The following NLGN1 variants were observed in gnomAD, a reference collection of about 807,000 sequenced individuals.
The protein encoded by NLGN1 is neuroligin 1.
A neutral mutation model predicts 65.5 loss-of-function variants in NLGN1; 12 were observed. The ratio of observed to expected loss-of-function variants is 0.18; its 90% CI spans 0.12 to 0.30. NLGN1 has a LOEUF of 0.30. Ranked by LOEUF, NLGN1 falls within the 10% of genes least tolerant of loss-of-function variation. The probability of loss-of-function intolerance (pLI) is 1.00; values close to 1 mark genes in which losing one functional copy is unlikely to be tolerated. For synonymous variants in NLGN1, 350 were observed against 359.5 expected (o/e 0.97, Z 0.30); for missense variants, 750 against 1,007.1 (o/e 0.74, Z 3.46).
At chr3:174,120,674 CACA>C (rs1717583583) in intron 4 of NLGN1, among the ~76,000 whole-genome samples, 1 of 152,264 alleles carries the variant, frequency 6.6e-6, no homozygotes, top group South Asian at 2.1e-4. Flanking sequence ...CTGGAGATCT[CACA>C]ACAAGATATG....
intron 2 of NLGN1, among the ~76,000 whole-genome samples, chr3:173,546,715 G>A (rs1739911724): frequency 6.6e-6 from 1 of 152,052 alleles, no homozygotes; most frequent in African/African-American, 2.4e-5. Context: ...ATGGATTATT[G>A]TTCAACTGAT....
At chr3:173,685,636 G>T in intron 3 of NLGN1, 2 of 984,976 alleles carry the variant, frequency 2.0e-6, no homozygotes, top group Non-Finnish European at 1.2e-6. Context: ...ATTTAAGATG[G>T]TGAGCTCTAA....
At chr3:173,908,012 G>T (rs10222345) in intron 4 of NLGN1, among the ~76,000 whole-genome samples, 1 of 152,050 alleles carries the variant, frequency 6.6e-6, no homozygotes, top group Non-Finnish European at 1.5e-5. Context: ...GAGCCACCAC[G>T]CCCAGCAGAT....
At chr3:173,742,269 A>T (rs1421861165) in intron 3 of NLGN1, among the ~76,000 whole-genome samples, 1 of 152,106 alleles carries the variant, frequency 6.6e-6, no homozygotes, top group Non-Finnish European at 1.5e-5. Flanking sequence ...AGAGAGAGGG[A>T]TGTGATTAGG....
chr3:173,903,934 C>T (rs1349755758), intron 4 of NLGN1, among the ~76,000 whole-genome samples: 3 of 152,172 alleles, frequency 2.0e-5, no homozygotes, highest in East Asian at 3.9e-4. Context: ...TTCCCCAGCA[C>T]AGACTCAGAA....
rs967167484 is a variant in NLGN1, at chr3:173,754,038, G to GT, written c.494-53631dup. Among the ~76,000 whole-genome samples, 23 of 81,914 alleles carry GT rather than the reference G, an allele frequency of 2.8e-4. 1 individual carries two copies. The highest frequency in any genetic ancestry group is 8.2e-3 in the Middle Eastern group (1 of 122). The allele number at this position is 81,914 out of a possible 152,430, so 53.7% of individuals were successfully genotyped here. A position where few individuals can be genotyped will look rare whatever the true frequency, so the allele number is the denominator to read the frequency against. ...TTCTTTCTTTTCTTTTTTTTTTTTT[G>GT]TTTTTTTTTTTGTTGTTGTTGTTGA... On this transcript the variant is annotated intron_variant, in intron 3 of 6. Transcript: ENST00000457714.
At chr3:173,624,616 A>T (rs1027329664) in intron 3 of NLGN1, among the ~76,000 whole-genome samples, 11 of 152,102 alleles carry the variant, frequency 7.2e-5, no homozygotes, top group African/African-American at 2.7e-4. Context: ...TGTATATCTT[A>T]GTTTTATCTG....
chr3:174,246,847 T>C (rs899311178), intron 4 of NLGN1, among the ~76,000 whole-genome samples: 1 of 152,162 alleles, frequency 6.6e-6, no homozygotes, highest in Admixed American at 6.5e-5. Flanking sequence ...GATGGTCACA[T>C]TGATGGATTG....
chr3:173,851,829 AAC>A (rs1726971722), intron 4 of NLGN1, among the ~76,000 whole-genome samples: 1 of 152,224 alleles, frequency 6.6e-6, no homozygotes, highest in Admixed American at 6.5e-5. Context: ...TCGAAGTCAT[AAC>A]ATATTCATGT....
At chr3:174,058,775 G>A (rs961857494) in intron 4 of NLGN1, among the ~76,000 whole-genome samples, 5 of 151,890 alleles carry the variant, frequency 3.3e-5, no homozygotes, top group African/African-American at 4.8e-5. Context: ...ATTCCTTATA[G>A]TAATCCATGT....
Position 174,224,625 on chromosome 3 carries a change from G to A in NLGN1, c.647-50690G>A, listed in dbSNP as rs545211903. On this transcript the variant is annotated intron_variant, in intron 4 of 6. Coordinates refer to ENST00000457714, the Ensembl canonical transcript of NLGN1. ...GAGGCAGGAGAATCGCTTGAACCCA[G>A]GAGGCAGAGGTTGCAGTGAGCCGAG... Among the ~76,000 whole-genome samples, 163 of 152,264 alleles carry A rather than the reference G, an allele frequency of 1.1e-3. 1 individual carries two copies. Among genetic ancestry groups the A allele is most frequent in the African/African-American group, 3.9e-3 (161 of 41,546 alleles).
At chr3:174,047,357 A>G (rs569599407) in intron 4 of NLGN1, among the ~76,000 whole-genome samples, 2 of 152,106 alleles carry the variant, frequency 1.3e-5, no homozygotes, top group South Asian at 4.1e-4. Flanking sequence ...AGAGATTTCA[A>G]TTTTAGCCAA....
chr3:173,628,491 A>T (rs1755153102), intron 3 of NLGN1, among the ~76,000 whole-genome samples: 1 of 152,142 alleles, frequency 6.6e-6, no homozygotes, highest in Non-Finnish European at 1.5e-5. Flanking sequence ...AAGTTAGAGA[A>T]TACTACAAAG....
upstream of NLGN1, chr3:173,397,906 A>G (rs538227849): frequency 2.3e-4 from 35 of 151,818 alleles, no homozygotes; most frequent in African/African-American, 7.5e-4. Context: ...GACCGGAGAG[A>G]AGGGAGCGAG....
At chr3:173,537,393 C>A (rs1203698637) in intron 2 of NLGN1, among the ~76,000 whole-genome samples, 1 of 152,062 alleles carries the variant, frequency 6.6e-6, no homozygotes, top group Non-Finnish European at 1.5e-5. Context: ...TAACTTTTCT[C>A]CTTGACATTC....
chr3:173,930,383 T>C (rs1473960944), intron 4 of NLGN1, among the ~76,000 whole-genome samples: 1 of 152,164 alleles, frequency 6.6e-6, no homozygotes, highest in Non-Finnish European at 1.5e-5. Flanking sequence ...TCAATTTGTA[T>C]GGCTAACATT....
At chr3:173,493,884 T>C (rs2149025378) in intron 2 of NLGN1, among the ~76,000 whole-genome samples, 1 of 151,888 alleles carries the variant, frequency 6.6e-6, no homozygotes, top group Middle Eastern at 3.4e-3. Flanking sequence ...TATTTTTGAT[T>C]TTTTTGAAAG....
chr3:173,563,919 C>T (rs1418473331), intron 2 of NLGN1, among the ~76,000 whole-genome samples: 2 of 152,194 alleles, frequency 1.3e-5, no homozygotes, highest in Non-Finnish European at 2.9e-5. Context: ...AAAATGTATT[C>T]CTCTACTCCT....
intron 4 of NLGN1, among the ~76,000 whole-genome samples, chr3:173,861,506 T>TAGC (rs1729061973): frequency 7.2e-6 from 1 of 139,828 alleles, no homozygotes; most frequent in Non-Finnish European, 1.5e-5. Context: ...CCAATTCCAG[T>TAGC]AGCTGGCACG....
Sources: allele counts gnomAD v4.1 joint callset (sites outside exome capture counted in the v4.1 genomes callset), GRCh38; gene constraint gnomAD v4.1.1; transcripts MANE v1.5; gene names NCBI Gene and HGNC (gene_info 2026-07-23, HGNC 2026-07-21).